USH2A: variants seen among roughly 807,000 people sequenced by gnomAD.
USH2A encodes the protein usherin, also known as Usher syndrome 2A (autosomal recessive, mild).
USH2A carries 443 observed loss-of-function variants against 538.9 expected under a neutral mutation model. The observed-to-expected ratio is 0.82, with a 90% CI of 0.76 to 0.89. USH2A has a LOEUF of 0.89. USH2A is among the 40% of genes least tolerant of loss of function. The pLI, the probability that USH2A is intolerant of heterozygous loss-of-function variation, is 0.00. For synonymous variants in USH2A, 2,413 were observed against 2,273.5 expected (o/e 1.06, Z -1.75); for missense variants, 6,633 against 6,324.8 (o/e 1.05, Z -1.65).
At chr1:215,783,548 A>G (rs1237061318) in intron 52 of USH2A, among the ~76,000 whole-genome samples, 1 of 152,176 alleles carries the variant, frequency 6.6e-6, no homozygotes, top group Non-Finnish European at 1.5e-5. Flanking sequence ...CAATAAAACC[A>G]AGCCTGCTGA....
rs747382637 is a variant in USH2A, at chr1:216,250,982, G to A, written c.2088C>T (p.Cys696=). The stretch of plus-strand genomic sequence containing the variant: ...CTCCATCCACTGTCCCAGAGGTATT[G>A]CAGTTACAGGGACTGCAGCCATCAG... ...LDPDGCSPCN[C]NTSGTVDGDI... is the part of the protein sequence containing the mutation. The change falls in exon 12 of 72, where the codon TGC becomes TGT. Residue 696 remains cysteine, a synonymous_variant. Transcript: ENST00000307340. 6 of 1,613,890 alleles carry A rather than the reference G, an allele frequency of 3.7e-6. No individual in the cohort carries two copies. Among genetic ancestry groups the A allele is most frequent in the East Asian group, 2.2e-5 (1 of 44,830 alleles).
At chr1:215,916,266 T>A (rs563781149) in intron 38 of USH2A, among the ~76,000 whole-genome samples, 1 of 152,130 alleles carries the variant, frequency 6.6e-6, no homozygotes, top group South Asian at 2.1e-4. Flanking sequence ...TAAATGATAT[T>A]TCTCAAGGTT....
intron 15 of USH2A, among the ~76,000 whole-genome samples, chr1:216,214,454 A>T (rs778687529): frequency 1.3e-5 from 2 of 152,052 alleles, no homozygotes; most frequent in Non-Finnish European, 2.9e-5. Flanking sequence ...CAAAAAGTCT[A>T]AATGTTGTAT....
chr1:216,306,202 A>G (rs1263775554), intron 9 of USH2A, among the ~76,000 whole-genome samples: 1 of 151,142 alleles, frequency 6.6e-6, no homozygotes. Context: ...GGCCTTGTTC[A>G]TTTAATTTTT....
Position 216,116,740 on chromosome 1 carries a change from G to A in USH2A, c.4628-19527C>T, listed in dbSNP as rs190095617. 3.7e-3 allele frequency among the ~76,000 whole-genome samples: 563 copies of A among 152,094 alleles called. 10 individuals are homozygous for A. Among genetic ancestry groups the A allele is most frequent in the Admixed American group, 0.018 (280 of 15,246 alleles). Reference sequence around the variant, plus strand: ...ACATTTTGGATACAATATTAGGGTCGCTTCAGGGTTCTTGTACAGAAGAAT... The same window carrying A: ...ACATTTTGGATACAATATTAGGGTCACTTCAGGGTTCTTGTACAGAAGAAT... On this transcript the variant is annotated intron_variant, in intron 21 of 71. Coordinates refer to ENST00000307340, the MANE Select transcript of USH2A (RefSeq NM_206933.4).
Position 216,178,096 on chromosome 1 carries a change from T to TA in USH2A, c.4397-2615dup, listed in dbSNP as rs1318267908. On this transcript the variant is annotated intron_variant, in intron 20 of 71. Coordinates refer to ENST00000307340, the MANE Select transcript of USH2A (RefSeq NM_206933.4). ...GCAGCTTAGAACAATTAGTATTTGTTACTTTTTAGACCTTCGGCCAGCTTT... is the reference window on the plus strand; with the variant it reads ...GCAGCTTAGAACAATTAGTATTTGTTAACTTTTTAGACCTTCGGCCAGCTTT... Among the ~76,000 whole-genome samples, 3 of 152,184 alleles carry TA rather than the reference T, an allele frequency of 2.0e-5. No individual in the cohort carries two copies. The East Asian group carries it at 5.8e-4, about 29-fold the overall frequency.
chr1:215,659,031 T>C (rs993556882), intron 64 of USH2A, among the ~76,000 whole-genome samples: 1 of 152,204 alleles, frequency 6.6e-6, no homozygotes, highest in Non-Finnish European at 1.5e-5. Context: ...TGCTGTTCTA[T>C]GAGCTGGGGA....
At chr1:215,996,516 A>G (rs12029775) in intron 34 of USH2A, among the ~76,000 whole-genome samples, 1 of 135,572 alleles carries the variant, frequency 7.4e-6, no homozygotes, top group Non-Finnish European at 1.5e-5. Context: ...ATCACATTTT[A>G]TCACATTTCA....
intron 15 of USH2A, among the ~76,000 whole-genome samples, chr1:216,208,841 A>C (rs2035176381): frequency 6.6e-6 from 1 of 152,200 alleles, no homozygotes; most frequent in Non-Finnish European, 1.5e-5. Context: ...TAATTCCCCC[A>C]GCAATGCATT....
chr1:215,775,457 C>T (rs942136172), intron 55 of USH2A, among the ~76,000 whole-genome samples: 7 of 152,136 alleles, frequency 4.6e-5, no homozygotes, highest in African/African-American at 1.4e-4. Context: ...ATTCGACAAA[C>T]ATTTTTTGAA....
chr1:215,723,346 G>A (rs563294688), intron 61 of USH2A, among the ~76,000 whole-genome samples: 3 of 152,210 alleles, frequency 2.0e-5, no homozygotes, highest in South Asian at 2.1e-4. Flanking sequence ...TCACCCCCAC[G>A]GAGGGCCCCC....
chr1:216,357,518 C>A (rs1205081206), intron 4 of USH2A, among the ~76,000 whole-genome samples: 1 of 152,060 alleles, frequency 6.6e-6, no homozygotes, highest in Non-Finnish European at 1.5e-5. Context: ...TGGGCTAAGA[C>A]ACACAACGTT....
In USH2A at chr1:215,674,550, A is replaced by T. The variant is rs148033154; in HGVS notation, c.13361T>A (p.Val4454Asp). 1.1e-4 allele frequency: 170 copies of T among 1,614,036 alleles called. No homozygotes were observed. In the African/African-American group the frequency reaches 2.1e-3, roughly 20 times the overall value. Residue 4454 changes from valine to aspartate, a missense_variant, in exon 63 of 72, where the codon GTC (valine) becomes GAC (aspartate). By Grantham distance (152) the Val-to-Asp change is radical. Transcript: ENST00000307340. ...PENMDSPTLQ[V>D]TGSESIEITW... ...GATTTCTATTGATTCTGAGCCTGTGACTTGCAATGTTGGAGAGTCCATGTT... is the reference window on the plus strand; with the variant it reads ...GATTTCTATTGATTCTGAGCCTGTGTCTTGCAATGTTGGAGAGTCCATGTT...
At position 216,090,213 on chromosome 1, in the gene USH2A, A is replaced by T. The variant is rs144132198; in HGVS notation, c.4759-1074T>A. Reference sequence around the variant, plus strand: ...TTTTGCTATGCTGTTTTTTTCAAAAAGAGAAAATAGATAATTGTTTGATGT... The same window carrying T: ...TTTTGCTATGCTGTTTTTTTCAAAATGAGAAAATAGATAATTGTTTGATGT... On this transcript the variant is annotated intron_variant, in intron 22 of 71. Transcript: ENST00000307340. 2.1e-3 allele frequency among the ~76,000 whole-genome samples: 324 copies of T among 152,116 alleles called. 1 individual carries two copies. Among genetic ancestry groups the T allele is most frequent in the African/African-American group, 7.3e-3 (305 of 41,574 alleles).
chr1:215,965,960 C>CACAT (rs1491446533), intron 36 of USH2A, among the ~76,000 whole-genome samples: 6 of 151,348 alleles, frequency 4.0e-5, no homozygotes, highest in Non-Finnish European at 8.8e-5. Flanking sequence ...CACACACACA[C>CACAT]ACGCATGCAT....
intron 9 of USH2A, among the ~76,000 whole-genome samples, chr1:216,293,301 G>A (rs2037043449): frequency 6.6e-6 from 1 of 152,188 alleles, no homozygotes; most frequent in African/African-American, 2.4e-5. Flanking sequence ...TGGGATTACA[G>A]GCGTGAGCCA....
chr1:216,197,744 T>C (rs939740999), intron 18 of USH2A, among the ~76,000 whole-genome samples: 1 of 152,182 alleles, frequency 6.6e-6, no homozygotes, highest in Non-Finnish European at 1.5e-5. Flanking sequence ...TAAAAATTTT[T>C]GCCTTAATGA....
At chr1:216,115,093 A>G (rs2032972455) in intron 21 of USH2A, among the ~76,000 whole-genome samples, 1 of 147,856 alleles carries the variant, frequency 6.8e-6, no homozygotes, top group African/African-American at 2.5e-5. Context: ...TTGCCCTTAC[A>G]TACCAAGATA....
chr1:215,824,882 CA>C (rs1405546742), intron 47 of USH2A, among the ~76,000 whole-genome samples: 1 of 152,118 alleles, frequency 6.6e-6, no homozygotes, highest in Non-Finnish European at 1.5e-5. Flanking sequence ...TATGAAAGTC[CA>C]ATTTTCTTAC....
Sources: allele counts gnomAD v4.1 joint callset (sites outside exome capture counted in the v4.1 genomes callset), GRCh38; gene constraint gnomAD v4.1.1; transcripts MANE v1.5; gene names NCBI Gene and HGNC (gene_info 2026-07-23, HGNC 2026-07-21).